Variants in MYO5C observed in about 807,000 individuals in gnomAD.
The protein encoded by MYO5C is unconventional myosin-Vc.
Under a neutral mutation model 235.7 loss-of-function variants are expected in MYO5C, and 194 were observed. The ratio of observed to expected loss-of-function variants is 0.82; its 90% CI spans 0.73 to 0.93. The LOEUF is 0.93. Among genes scored for constraint, MYO5C ranks in the 40% least tolerant of loss-of-function variants. MYO5C has a pLI of 0.00. For missense variants in MYO5C, 2,038 were observed against 2,127.2 expected, an observed-to-expected ratio of 0.96 and a Z score of 0.82; for synonymous variants, 707 against 754.8, an observed-to-expected ratio of 0.94 and a Z score of 1.04.
intron 32 of MYO5C, 38 bp downstream of exon 32, chr15:52,218,481 A>T: frequency 6.2e-7 from 1 of 1,603,356 alleles, no homozygotes; most frequent in Non-Finnish European, 8.5e-7. Context: ...ACATCTGCAC[A>T]CAGACAGTCT....
intron 38 of MYO5C, among the ~76,000 whole-genome samples, chr15:52,203,327 A>C (rs1269186249): frequency 6.6e-6 from 1 of 151,466 alleles, no homozygotes; most frequent in African/African-American, 2.4e-5. Flanking sequence ...AATCCATTAC[A>C]CTCCAAGTTA....
rs780161778 is a variant in MYO5C, at chr15:52,278,866, A to G, written c.449+7T>C. 2 of 1,613,394 alleles carry G rather than the reference A, an allele frequency of 1.2e-6. No homozygotes were observed. Among genetic ancestry groups the G allele is most frequent in the Non-Finnish European group, 1.7e-6 (2 of 1,179,708 alleles). On this transcript the variant is annotated splice_region_variant and intron_variant, in intron 4 of 40. Transcript: ENST00000261839. ...GCAAGGGGAAGTCCAGCTTGGCAGGAAGCTACCTGGCCATCTGCTTGTATG... is the reference window on the plus strand; with the variant it reads ...GCAAGGGGAAGTCCAGCTTGGCAGGGAGCTACCTGGCCATCTGCTTGTATG...
chr15:52,194,899 C>T (rs2035012657), intron 40 of MYO5C, among the ~76,000 whole-genome samples: 1 of 151,998 alleles, frequency 6.6e-6, no homozygotes, highest in South Asian at 2.1e-4. Flanking sequence ...TCCACAGGTA[C>T]ATATTTAGAA....
rs77370050 is a variant in MYO5C, at chr15:52,248,693, T to C, written c.1746+7A>G. ...ATAACTTTAGTTACCCCTAGGACTT[T>C]ACAGACCTTGCTTGCTCTCAGGATT... On this transcript the variant is annotated splice_region_variant and intron_variant, in intron 14 of 40. Transcript: ENST00000261839. 2,495 of 1,610,438 alleles carry C rather than the reference T, an allele frequency of 1.5e-3. 38 individuals are homozygous for C. In the African/African-American group the frequency reaches 0.027, roughly 17 times the overall value.
At chr15:52,273,839 T>C (rs1185311942) in intron 5 of MYO5C, among the ~76,000 whole-genome samples, 1 of 152,176 alleles carries the variant, frequency 6.6e-6, no homozygotes, top group Non-Finnish European at 1.5e-5. Flanking sequence ...AATGAGAGAA[T>C]ATGAGGTGCC....
chr15:52,248,604 ACACT>A (rs1044497745), intron 14 of MYO5C, 92 bp downstream of exon 14: 24 of 827,666 alleles, frequency 2.9e-5, no homozygotes, highest in Middle Eastern at 2.2e-4. Flanking sequence ...ACACACACAC[ACACT>A]CTCTCTCTCT....
intron 9 of MYO5C, among the ~76,000 whole-genome samples, chr15:52,263,578 C>T (rs752953323): frequency 2.6e-5 from 4 of 152,132 alleles, no homozygotes; most frequent in Admixed American, 6.6e-5. Context: ...CCCTGTCACT[C>T]ACCCTCTGGA....
rs749361799 is a variant in MYO5C at position 52,218,402 on chromosome 15, C to A, written c.3954+117G>T. 2.1e-5 allele frequency: 22 copies of A among 1,060,082 alleles called. No individual in the cohort carries two copies. In the South Asian group the frequency reaches 3.1e-4, roughly 15 times the overall value. The allele number at this position is 1,060,082 out of a possible 1,614,324, so 65.7% of individuals were successfully genotyped here. A position where few individuals can be genotyped will look rare whatever the true frequency, so the allele number is the denominator to read the frequency against. On this transcript the variant is annotated intron_variant, in intron 32 of 40. Transcript: ENST00000261839. ...TTTTGGGATAAGAAAACAGACTGCT[C>A]TGATGGAAGGACTTTTGGTCTATAG... is the stretch of plus-strand genomic sequence containing the variant.
intron 1 of MYO5C, among the ~76,000 whole-genome samples, chr15:52,289,711 C>A (rs1304424737): frequency 6.6e-6 from 1 of 152,064 alleles, no homozygotes; most frequent in Non-Finnish European, 1.5e-5. Flanking sequence ...CTCTCTCATC[C>A]GTACTTGATT....
rs200846308 is a variant in MYO5C at position 52,195,461 on chromosome 15, C to T, written c.4996-4G>A. On this transcript the variant is annotated splice_polypyrimidine_tract_variant and splice_region_variant and intron_variant, in intron 39 of 40. Coordinates refer to ENST00000261839, the MANE Select transcript of MYO5C (RefSeq NM_018728.4). ...ATGAATTAAGGATCTTTATGATCTGCAAACGGTACATAACATGGTGTTAGA... is the reference window on the plus strand; with the variant it reads ...ATGAATTAAGGATCTTTATGATCTGTAAACGGTACATAACATGGTGTTAGA... 138 of 1,597,106 alleles carry T rather than the reference C, an allele frequency of 8.6e-5. 1 individual carries two copies. The South Asian group carries it at 9.4e-4, about 11-fold the overall frequency.
At chr15:52,241,450 A>G (rs994750276) in intron 20 of MYO5C, among the ~76,000 whole-genome samples, 4 of 151,728 alleles carry the variant, frequency 2.6e-5, no homozygotes, top group Non-Finnish European at 5.9e-5. Flanking sequence ...TAGTAGAGAC[A>G]GGGTTTCACT....
chr15:52,283,713 T>C (rs1398430333), intron 1 of MYO5C, among the ~76,000 whole-genome samples: 2 of 152,168 alleles, frequency 1.3e-5, no homozygotes, highest in Non-Finnish European at 2.9e-5. Context: ...TTCATTCTTG[T>C]TGCCCAGGCT....
At chr15:52,248,621 CTCCTTACTCTT>C in intron 14 of MYO5C, 68 bp downstream of exon 14, 1 of 1,012,062 alleles carries the variant, frequency 9.9e-7, no homozygotes, top group East Asian at 2.4e-5. Context: ...CTCTCTCTCT[CTCCTTACTCTT>C]TCCTTATATA....
chr15:52,225,286 G>C, intron 26 of MYO5C, 148 bp from the exon 27 acceptor site: 1 of 1,069,002 alleles, frequency 9.4e-7, no homozygotes, highest in South Asian at 1.4e-5. Context: ...CAATCTTCCA[G>C]GTATTCAACC....
At chr15:52,260,742 C>G (rs1297881893) in intron 10 of MYO5C, 120 bp downstream of exon 10, 3 of 1,165,750 alleles carry the variant, frequency 2.6e-6, no homozygotes, top group Non-Finnish European at 3.6e-6. Context: ...GGGGCAAAAG[C>G]AGAGAATGTT....
chr15:52,253,059 C>G (rs1380289550), intron 12 of MYO5C, among the ~76,000 whole-genome samples: 1 of 152,218 alleles, frequency 6.6e-6, no homozygotes, highest in Non-Finnish European at 1.5e-5. Flanking sequence ...TCTACATACA[C>G]TTTGGGACAG....
At chr15:52,282,722 A>T in intron 2 of MYO5C, 60 bp downstream of exon 2, 1 of 1,244,238 alleles carries the variant, frequency 8.0e-7, no homozygotes, top group Non-Finnish European at 1.2e-6. Flanking sequence ...TCCCATCCTT[A>T]CACACACCCC....
chr15:52,198,869 C>T (rs984522972), intron 38 of MYO5C, among the ~76,000 whole-genome samples: 1 of 150,602 alleles, frequency 6.6e-6, no homozygotes, highest in Admixed American at 6.6e-5. Context: ...TGTGAGCCAC[C>T]GCGCCTGGCC....
At chr15:52,261,990 C>G (rs1433989414) in intron 9 of MYO5C, among the ~76,000 whole-genome samples, 2 of 152,216 alleles carry the variant, frequency 1.3e-5, no homozygotes, top group Non-Finnish European at 2.9e-5. Flanking sequence ...ACCCACACCC[C>G]CTGCTGACCA....
Sources: gnomAD v4.1 joint callset for allele counts (sites outside exome capture counted in the v4.1 genomes callset) on GRCh38, gnomAD v4.1.1 for gene constraint, MANE v1.5 for transcripts, NCBI Gene and HGNC (gene_info 2026-07-23, HGNC 2026-07-21) for gene names.